Variants in NCKAP5 observed in about 807,000 individuals in gnomAD.
The protein encoded by NCKAP5 is NCK associated protein 5, also known as nck-associated protein 5.
NCKAP5 carries 92 observed loss-of-function variants against 167.0 expected under a neutral mutation model. That is an observed-to-expected ratio of 0.55 (90% CI 0.47 to 0.66). NCKAP5 has a LOEUF of 0.66. Ranked by LOEUF, NCKAP5 falls within the 30% of genes least tolerant of loss-of-function variation. The pLI is 0.00. For synonymous variants in NCKAP5, 891 were observed against 877.4 expected (o/e 1.02, Z -0.27); for missense variants, 2,378 against 2,315.0 (o/e 1.03, Z -0.56).
intron 3 of NCKAP5, among the ~76,000 whole-genome samples, chr2:133,456,783 A>G (rs570894988): frequency 3.3e-5 from 5 of 152,340 alleles, no homozygotes; most frequent in African/African-American, 1.2e-4. Flanking sequence ...CTTGTTTAAC[A>G]GAAGTACTTA....
chr2:133,612,386 G>A, the NCKAP5 span, among the ~76,000 whole-genome samples: 1 of 152,150 alleles, frequency 6.6e-6, no homozygotes, highest in Non-Finnish European at 1.5e-5. Flanking sequence ...GGATTGAAAA[G>A]AAACATCTTT....
At chr2:132,801,493 G>A (rs569837137) in intron 11 of NCKAP5, among the ~76,000 whole-genome samples, 12 of 152,144 alleles carry the variant, frequency 7.9e-5, no homozygotes, top group Non-Finnish European at 1.2e-4. Flanking sequence ...TGTCAACAGC[G>A]CAAGGTGACA....
chr2:133,238,648 C>T (rs1283559783), intron 4 of NCKAP5, among the ~76,000 whole-genome samples: 1 of 152,230 alleles, frequency 6.6e-6, no homozygotes, highest in Non-Finnish European at 1.5e-5. Flanking sequence ...CAACTAGCTA[C>T]ATTCCAGAGC....
intron 5 of NCKAP5, among the ~76,000 whole-genome samples, chr2:133,134,883 T>C (rs1052080069): frequency 2.0e-5 from 3 of 152,206 alleles, no homozygotes; most frequent in African/African-American, 7.2e-5. Flanking sequence ...AAAATCTATA[T>C]AGATTCTGAT....
At chr2:132,991,807 C>A (rs982246424) in intron 7 of NCKAP5, among the ~76,000 whole-genome samples, 1 of 152,150 alleles carries the variant, frequency 6.6e-6, no homozygotes, top group African/African-American at 2.4e-5. Flanking sequence ...TATTATGAAG[C>A]AATAAATTTC....
At chr2:132,803,170 A>G (rs1331226122) in intron 11 of NCKAP5, among the ~76,000 whole-genome samples, 1 of 152,218 alleles carries the variant, frequency 6.6e-6, no homozygotes, top group African/African-American at 2.4e-5. Context: ...CTGATGTGAC[A>G]GTGTGCCTTC....
the NCKAP5 span, among the ~76,000 whole-genome samples, chr2:133,647,697 A>T: frequency 1.1e-5 from 1 of 93,042 alleles, no homozygotes; most frequent in Admixed American, 1.2e-4. Flanking sequence ...GAAGGAAGAA[A>T]GAAGGAAAGA....
At position 132,675,841 on chromosome 2, in the gene NCKAP5, T is replaced by TAAAAAAA. The variant is rs554167462; in HGVS notation, c.5714-2543_5714-2537dup. 1.0e-2 allele frequency among the ~76,000 whole-genome samples: 1,400 copies of TAAAAAAA among 140,616 alleles called. 23 individuals carry two copies. The highest frequency in any genetic ancestry group is 0.034 in the African/African-American group (1,319 of 38,938). 92.2% of individuals were successfully genotyped at this position (140,616 alleles called of 152,430 possible). A position where few individuals can be genotyped will look rare whatever the true frequency, so the allele number is the denominator to read the frequency against. ...AGAAATGAAAGAAGGGACCATTATT[T>TAAAAAAA]AAAAAAAAAAAAAAGCAAACAAGAA... is the stretch of plus-strand genomic sequence containing the variant. On this transcript the variant is annotated intron_variant, in intron 19 of 19. Coordinates refer to ENST00000409261, the MANE Select transcript of NCKAP5 (RefSeq NM_207363.3).
intron 11 of NCKAP5, among the ~76,000 whole-genome samples, chr2:132,833,488 G>C (rs1441604293): frequency 6.6e-6 from 1 of 152,072 alleles, no homozygotes; most frequent in Non-Finnish European, 1.5e-5. Context: ...TCTTCTAGTA[G>C]TTTTGGGTCT....
chr2:133,119,591 G>A (rs1404684326), intron 6 of NCKAP5, among the ~76,000 whole-genome samples: 1 of 152,072 alleles, frequency 6.6e-6, no homozygotes, highest in Non-Finnish European at 1.5e-5. Flanking sequence ...CCCAATACCA[G>A]TAATTTCCTA....
intron 8 of NCKAP5, among the ~76,000 whole-genome samples, chr2:132,960,051 G>C (rs1271325664): frequency 6.6e-6 from 1 of 152,140 alleles, no homozygotes; most frequent in South Asian, 2.1e-4. Context: ...TGGGTAGTGA[G>C]GGTAAACGGT....
chr2:133,190,550 T>C (rs2085167783), intron 5 of NCKAP5, among the ~76,000 whole-genome samples: 1 of 152,308 alleles, frequency 6.6e-6, no homozygotes, highest in African/African-American at 2.4e-5. Context: ...CAAAACAGCA[T>C]GGTACTGGTA....
intron 5 of NCKAP5, among the ~76,000 whole-genome samples, chr2:133,171,601 C>T (rs1051491864): frequency 2.0e-5 from 3 of 152,174 alleles, no homozygotes; most frequent in African/African-American, 7.2e-5. Context: ...GTGGCTCCCT[C>T]TTCTGGTGGA....
intron 8 of NCKAP5, among the ~76,000 whole-genome samples, chr2:132,937,425 C>T (rs1696937943): frequency 6.6e-6 from 1 of 152,116 alleles, no homozygotes; most frequent in Non-Finnish European, 1.5e-5. Context: ...ACATTGTTGG[C>T]CAGCACTTCT....
chr2:132,675,855 A>G (rs2104981874), intron 19 of NCKAP5, among the ~76,000 whole-genome samples: 1 of 151,774 alleles, frequency 6.6e-6, no homozygotes, highest in Admixed American at 6.6e-5. Context: ...AAAAAAAAAA[A>G]GCAAACAAGA....
intron 1 of NCKAP5, among the ~76,000 whole-genome samples, chr2:133,564,920 AGT>A (rs1688436181): frequency 6.6e-6 from 1 of 152,278 alleles, no homozygotes; most frequent in South Asian, 2.1e-4. Flanking sequence ...CATGGTGCTA[AGT>A]TTGGGGAGTC....
At chr2:133,178,770 A>G (rs2084593159) in intron 5 of NCKAP5, among the ~76,000 whole-genome samples, 1 of 140,984 alleles carries the variant, frequency 7.1e-6, no homozygotes, top group African/African-American at 2.7e-5. Flanking sequence ...GCTTGCAGTG[A>G]GCCGAGATAG....
chr2:133,633,032 AT>A, the NCKAP5 span, among the ~76,000 whole-genome samples: 1 of 152,200 alleles, frequency 6.6e-6, no homozygotes, highest in South Asian at 2.1e-4. Context: ...TCAGAAGGAA[AT>A]GACTGAGTCC....
intron 16 of NCKAP5, among the ~76,000 whole-genome samples, chr2:132,734,569 G>T (rs1324556266): frequency 1.3e-5 from 2 of 152,154 alleles, no homozygotes; most frequent in Non-Finnish European, 2.9e-5. Context: ...AGCAGGGCAG[G>T]ACGTTAGGGG....
Sources: allele counts gnomAD v4.1 joint callset (sites outside exome capture counted in the v4.1 genomes callset), GRCh38; gene constraint gnomAD v4.1.1; transcripts MANE v1.5; gene names NCBI Gene and HGNC (gene_info 2026-07-23, HGNC 2026-07-21).